Variants in PDE4D observed in about 807,000 individuals in gnomAD.
The protein encoded by PDE4D is 3',5'-cyclic-AMP phosphodiesterase 4D.
In PDE4D, 24 loss-of-function variants were observed where a neutral mutation model predicts 87.4. The observed-to-expected ratio is 0.27, with a 90% confidence interval of 0.20 to 0.39. The LOEUF is 0.39. Ranked by LOEUF, PDE4D falls within the 10% of genes least tolerant of loss-of-function variation. PDE4D has a pLI of 1.00. For missense variants in PDE4D, 714 were observed against 1,041.0 expected (o/e 0.69, Z 4.32); for synonymous variants, 384 against 383.2 (o/e 1.00, Z -0.02).
At chr5:59,517,526 G>T (rs984614941) in intron 1 of PDE4D, among the ~76,000 whole-genome samples, 11 of 152,154 alleles carry the variant, frequency 7.2e-5, no homozygotes, top group African/African-American at 2.7e-4. Context: ...GCATTCAAAG[G>T]TAGTGTTTAA....
At chr5:60,086,737 C>T (rs2152907459) in intron 2 of PDE4D, among the ~76,000 whole-genome samples, 1 of 152,378 alleles carries the variant, frequency 6.6e-6, no homozygotes, top group South Asian at 2.1e-4. Context: ...GTCTGGGAAT[C>T]TTCATGGGAA....
chr5:59,039,160 C>G (rs932925970), intron 5 of PDE4D, 189 bp from the exon 6 acceptor site: 2 of 1,347,270 alleles, frequency 1.5e-6, no homozygotes, highest in East Asian at 3.1e-5. Flanking sequence ...GCGGGGCGGC[C>G]GGCCTCGGGG....
At chr5:59,716,314 C>T (rs554774417) in intron 1 of PDE4D, among the ~76,000 whole-genome samples, 1 of 152,346 alleles carries the variant, frequency 6.6e-6, no homozygotes, top group Non-Finnish European at 1.5e-5. Context: ...GCTCATGGCT[C>T]ATGGCCAGAG....
intron 1 of PDE4D, among the ~76,000 whole-genome samples, chr5:59,546,189 T>C (rs1180985080): frequency 6.6e-6 from 1 of 152,116 alleles, no homozygotes; most frequent in African/African-American, 2.4e-5. Context: ...CTCATAGAAA[T>C]GTTAAATCTC....
At chr5:59,200,033 GCACACACACGTATGTA>G (rs1307170160) in intron 2 of PDE4D, among the ~76,000 whole-genome samples, 4 of 94,518 alleles carry the variant, frequency 4.2e-5, no homozygotes, top group Non-Finnish European at 7.7e-5. Context: ...ATACATACAT[GCACACACACGTATGTA>G]CACACATGCA....
intron 1 of PDE4D, among the ~76,000 whole-genome samples, chr5:59,672,690 G>A (rs1747423541): frequency 6.6e-6 from 1 of 152,024 alleles, no homozygotes; most frequent in South Asian, 2.1e-4. Context: ...AGTCCAGAGT[G>A]TATCACAAAT....
chr5:59,043,294 C>T (rs561615484), intron 5 of PDE4D, among the ~76,000 whole-genome samples: 7 of 152,132 alleles, frequency 4.6e-5, no homozygotes, highest in Admixed American at 6.5e-5. Flanking sequence ...GAGGCCAAGG[C>T]GGGCAGATCA....
intron 1 of PDE4D, chr5:60,372,648 A>G (rs1350876356): frequency 6.6e-6 from 1 of 152,142 alleles, no homozygotes; most frequent in Non-Finnish European, 1.5e-5. Context: ...CCTCTTCTCT[A>G]AAACCTGTAA....
intron 2 of PDE4D, among the ~76,000 whole-genome samples, chr5:60,143,029 C>T (rs1780676808): frequency 6.6e-6 from 1 of 152,092 alleles, no homozygotes; most frequent in Non-Finnish European, 1.5e-5. Flanking sequence ...TTAGATTAGA[C>T]AGTCAAGAGA....
At chr5:60,513,989 A>G (rs1561325921) in intron 1 of PDE4D, among the ~76,000 whole-genome samples, 1 of 151,520 alleles carries the variant, frequency 6.6e-6, no homozygotes, top group Non-Finnish European at 1.5e-5. Flanking sequence ...ATAATATAAG[A>G]ATAGAAATCA....
intron 2 of PDE4D, among the ~76,000 whole-genome samples, chr5:60,063,262 C>A (rs1771692226): frequency 6.6e-6 from 1 of 151,960 alleles, no homozygotes; most frequent in African/African-American, 2.4e-5. Context: ...ACATTAGGAT[C>A]CACTCTTAGG....
At chr5:59,593,925 C>T (rs552370783) in intron 1 of PDE4D, among the ~76,000 whole-genome samples, 5 of 152,236 alleles carry the variant, frequency 3.3e-5, no homozygotes, top group African/African-American at 1.2e-4. Context: ...GGAAAAAGTA[C>T]ACATCTTTAA....
intron 1 of PDE4D, among the ~76,000 whole-genome samples, chr5:59,539,945 C>T (rs1455301759): frequency 1.3e-5 from 2 of 152,066 alleles, no homozygotes; most frequent in Non-Finnish European, 2.9e-5. Context: ...GTACATCTGT[C>T]CTATGGTATT....
chr5:59,334,247 G>GTTTTTTTT (rs564248041), intron 1 of PDE4D, among the ~76,000 whole-genome samples: 13 of 98,636 alleles, frequency 1.3e-4, no homozygotes, highest in South Asian at 7.8e-4. Flanking sequence ...ATCCAGTGGA[G>GTTTTTTTT]TTTTTTTTTT....
rs570564214 is a variant in PDE4D, at chr5:59,078,173, T to C, written c.809-39202A>G. Among the ~76,000 whole-genome samples the C allele has an allele frequency of 2.0e-5, 3 of 152,310 alleles. No homozygotes were observed. The South Asian group carries it at 6.2e-4, about 32-fold the overall frequency. On this transcript the variant is annotated intron_variant, in intron 5 of 14. Transcript: ENST00000340635. Reference sequence around the variant, plus strand: ...ATGCACGACAATGTTTAGTGTAGTATGGTTTGCAATATTAAAAAAGGCCAT... The same window carrying C: ...ATGCACGACAATGTTTAGTGTAGTACGGTTTGCAATATTAAAAAAGGCCAT...
At chr5:59,985,303 T>A (rs1484854508) in intron 3 of PDE4D, among the ~76,000 whole-genome samples, 1 of 151,672 alleles carries the variant, frequency 6.6e-6, no homozygotes. Flanking sequence ...CAAGCCCGGC[T>A]AATTTTTTTT....
chr5:60,016,049 G>C (rs1229546429), intron 2 of PDE4D, among the ~76,000 whole-genome samples: 2 of 151,704 alleles, frequency 1.3e-5, no homozygotes, highest in African/African-American at 4.9e-5. Flanking sequence ...GTGTGTGTGT[G>C]TGTTTGTGTG....
intron 2 of PDE4D, among the ~76,000 whole-genome samples, chr5:60,073,771 G>A (rs1162504909): frequency 6.6e-6 from 1 of 151,598 alleles, no homozygotes; most frequent in Non-Finnish European, 1.5e-5. Flanking sequence ...ATATGTCCAG[G>A]GATTTATCAA....
intron 1 of PDE4D, among the ~76,000 whole-genome samples, chr5:59,362,888 T>C (rs979042460): frequency 6.6e-6 from 1 of 152,178 alleles, no homozygotes; most frequent in African/African-American, 2.4e-5. Context: ...ATTTTGGTGC[T>C]GTGGATTTTT....
Sources: allele counts gnomAD v4.1 joint callset (sites outside exome capture counted in the v4.1 genomes callset), GRCh38; gene constraint gnomAD v4.1.1; transcripts MANE v1.5; gene names NCBI Gene and HGNC (gene_info 2026-07-23, HGNC 2026-07-21).